The following NRXN3 variants were observed in gnomAD, a reference collection of about 807,000 sequenced individuals.
NRXN3 encodes neurexin 3, also known as neurexin III.
In NRXN3, 32 loss-of-function variants were observed where a neutral mutation model predicts 137.6. The observed-to-expected ratio is 0.23, with a 90% CI of 0.18 to 0.31. NRXN3 has a LOEUF of 0.31. NRXN3 is among the 10% of genes least tolerant of loss of function. The pLI is 1.00. For synonymous variants in NRXN3, 798 were observed against 784.5 expected, an observed-to-expected ratio of 1.02 and a Z score of -0.29; for missense variants, 1,574 against 2,062.5, an observed-to-expected ratio of 0.76 and a Z score of 4.59.
intron 16 of NRXN3, among the ~76,000 whole-genome samples, chr14:79,642,831 G>A (rs2098439076): frequency 7.4e-6 from 1 of 136,016 alleles, no homozygotes; most frequent in Admixed American, 7.8e-5. Context: ...TCTTTGTGAA[G>A]CTGTACTAGC....
intron 16 of NRXN3, among the ~76,000 whole-genome samples, chr14:79,549,770 A>T (rs1207243652): frequency 2.0e-5 from 3 of 152,094 alleles, no homozygotes; most frequent in East Asian, 1.9e-4. Flanking sequence ...TATGTCCATT[A>T]TTATGACCTA....
intron 12 of NRXN3, among the ~76,000 whole-genome samples, chr14:78,966,871 A>G (rs919335143): frequency 6.6e-6 from 1 of 152,192 alleles, no homozygotes; most frequent in African/African-American, 2.4e-5. Flanking sequence ...AGTCAAAACA[A>G]AAAACCAAAA....
chr14:79,808,252 AAAAAT>A lies in NRXN3; in HGVS notation c.4093+3064_4093+3068del, dbSNP rs1204431552. 3.3e-4 allele frequency among the ~76,000 whole-genome samples: 43 copies of A among 131,640 alleles called. 1 individual carries two copies. Among genetic ancestry groups the A allele is most frequent in the African/African-American group, 1.1e-3 (33 of 30,244 alleles). 86.4% of individuals were successfully genotyped at this position (131,640 alleles called of 152,430 possible). ...ACTCTCTCTCAATTAAAAAAAAAAAAAAAATATATATATATATATATATGTATGTA... is the reference window on the plus strand; with the variant it reads ...ACTCTCTCTCAATTAAAAAAAAAAAAATATATATATATATATATGTATGTA... On this transcript the variant is annotated intron_variant, in intron 20 of 20. Transcript: ENST00000335750.
chr14:79,844,354 C>T (rs933551770), intron 20 of NRXN3, among the ~76,000 whole-genome samples: 4 of 149,970 alleles, frequency 2.7e-5, no homozygotes, highest in African/African-American at 4.9e-5. Context: ...TCTAGAATGG[C>T]GGATCCTTCT....
At chr14:79,100,914 A>G (rs1420725859) in intron 15 of NRXN3, among the ~76,000 whole-genome samples, 1 of 152,190 alleles carries the variant, frequency 6.6e-6, no homozygotes, top group Non-Finnish European at 1.5e-5. Context: ...AACTAAATAA[A>G]AAAAATAGAT....
chr14:79,260,635 C>T (rs1381795504), intron 15 of NRXN3, among the ~76,000 whole-genome samples: 2 of 152,126 alleles, frequency 1.3e-5, no homozygotes, highest in Non-Finnish European at 2.9e-5. Flanking sequence ...AGCCCAATAT[C>T]ATAGTCACAC....
At chr14:78,931,567 A>G (rs1258992129) in intron 10 of NRXN3, among the ~76,000 whole-genome samples, 1 of 152,146 alleles carries the variant, frequency 6.6e-6, no homozygotes, top group Non-Finnish European at 1.5e-5. Flanking sequence ...TAATAGTCCC[A>G]TTTTACAGAT....
intron 10 of NRXN3, among the ~76,000 whole-genome samples, chr14:78,875,218 G>T (rs2099111180): frequency 6.6e-6 from 1 of 152,196 alleles, no homozygotes; most frequent in Non-Finnish European, 1.5e-5. Flanking sequence ...AAACAACTAG[G>T]TCTGAGCAAA....
chr14:79,732,508 A>T (rs1432970525), intron 19 of NRXN3, among the ~76,000 whole-genome samples: 7 of 152,150 alleles, frequency 4.6e-5, no homozygotes, highest in Admixed American at 4.6e-4. Flanking sequence ...GGCAAGAAAA[A>T]ATTTAATTTG....
chr14:78,934,318 T>G (rs2099329689), intron 10 of NRXN3, among the ~76,000 whole-genome samples: 1 of 152,158 alleles, frequency 6.6e-6, no homozygotes, highest in South Asian at 2.1e-4. Context: ...CTTTCCAAAC[T>G]TTCATTAAAG....
intron 4 of NRXN3, among the ~76,000 whole-genome samples, chr14:78,523,643 C>CAAAAAAAA (rs3036598): frequency 4.5e-4 from 35 of 77,702 alleles, no homozygotes; most frequent in East Asian, 1.1e-3. Flanking sequence ...ACTACAAATA[C>CAAAAAAAA]AAAAAAAAAA....
chr14:78,703,861 G>A (rs2098316676), intron 6 of NRXN3: 1 of 152,202 alleles, frequency 6.6e-6, no homozygotes, highest in Non-Finnish European at 1.5e-5. Flanking sequence ...TATGCAGATA[G>A]TTTAAAAACA....
intron 20 of NRXN3, among the ~76,000 whole-genome samples, chr14:79,808,494 C>G (rs892807344): frequency 6.6e-6 from 1 of 151,880 alleles, no homozygotes; most frequent in African/African-American, 2.4e-5. Context: ...GTTTTGAACA[C>G]CCTAATTCAC....
At chr14:79,714,954 T>A (rs369777965) in intron 19 of NRXN3, among the ~76,000 whole-genome samples, 2 of 152,170 alleles carry the variant, frequency 1.3e-5, no homozygotes, top group African/African-American at 4.8e-5. Context: ...CCTTTTCTTT[T>A]TTTTCTTTTC....
intron 15 of NRXN3, among the ~76,000 whole-genome samples, chr14:79,100,504 C>T (rs2051077706): frequency 6.6e-6 from 1 of 152,170 alleles, no homozygotes; most frequent in African/African-American, 2.4e-5. Flanking sequence ...TCATTGATTT[C>T]AAGTTTACGT....
chr14:78,206,772 G>C (rs1459641832), intron 1 of NRXN3, among the ~76,000 whole-genome samples: 1 of 152,200 alleles, frequency 6.6e-6, no homozygotes, highest in Admixed American at 6.5e-5. Flanking sequence ...CCAAACTGTG[G>C]CTCAAAGTGG....
At chr14:78,970,027 T>C (rs562400193) in intron 14 of NRXN3, among the ~76,000 whole-genome samples, 59 of 152,296 alleles carry the variant, frequency 3.9e-4, no homozygotes, top group South Asian at 2.3e-3. Flanking sequence ...TTAAATTGTA[T>C]ATAGTGTTTA....
At chr14:78,729,192 T>C (rs2098502536) in intron 8 of NRXN3, among the ~76,000 whole-genome samples, 1 of 152,232 alleles carries the variant, frequency 6.6e-6, no homozygotes, top group Admixed American at 6.5e-5. Context: ...GATTTTTAGA[T>C]ACTTAAACCA....
At chr14:78,367,982 G>A (rs1006059943) in intron 4 of NRXN3, among the ~76,000 whole-genome samples, 12 of 152,188 alleles carry the variant, frequency 7.9e-5, no homozygotes, top group Admixed American at 5.2e-4. Context: ...CCTGGTAATT[G>A]CTTATTGCTT....
Sources: allele counts gnomAD v4.1 joint callset (sites outside exome capture counted in the v4.1 genomes callset), GRCh38; gene constraint gnomAD v4.1.1; transcripts MANE v1.5; gene names NCBI Gene and HGNC (gene_info 2026-07-23, HGNC 2026-07-21).